Variants in PPP2R2A observed in about 807,000 individuals in gnomAD.
The protein encoded by PPP2R2A is serine/threonine-protein phosphatase 2A 55 kDa regulatory subunit B alpha isoform.
A neutral mutation model predicts 53.2 loss-of-function variants in PPP2R2A; 9 were observed. The observed-to-expected ratio is 0.17, with a 90% CI of 0.10 to 0.30. The LOEUF is 0.30. Among genes scored for constraint, PPP2R2A ranks in the 10% least tolerant of loss-of-function variants. The probability of loss-of-function intolerance (pLI) is 1.00; values close to 1 mark genes in which losing one functional copy is unlikely to be tolerated. For synonymous variants in PPP2R2A, 169 were observed against 174.2 expected (o/e 0.97, Z 0.23); for missense variants, 235 against 534.6 (o/e 0.44, Z 5.53).
chr8:26,355,643 T>A (rs1446326847), intron 4 of PPP2R2A, among the ~76,000 whole-genome samples: 2 of 151,994 alleles, frequency 1.3e-5, no homozygotes, highest in African/African-American at 2.4e-5. Flanking sequence ...GGCGGGTGGA[T>A]CACGAGGTCA....
chr8:26,355,721 C>T (rs530296313), intron 4 of PPP2R2A, among the ~76,000 whole-genome samples: 10 of 151,904 alleles, frequency 6.6e-5, no homozygotes, highest in African/African-American at 1.7e-4. Context: ...AAAAATTATC[C>T]GGGTGTGGTG....
chr8:26,307,869 AG>A (rs1196517378), intron 2 of PPP2R2A, among the ~76,000 whole-genome samples: 2 of 152,264 alleles, frequency 1.3e-5, no homozygotes, highest in East Asian at 3.9e-4. Flanking sequence ...AAAATGGGGG[AG>A]TGAGGGGTTG....
At chr8:26,331,086 A>C (rs1030137657) in intron 2 of PPP2R2A, among the ~76,000 whole-genome samples, 1 of 152,110 alleles carries the variant, frequency 6.6e-6, no homozygotes, top group African/African-American at 2.4e-5. Context: ...AAAGATTCTA[A>C]GTGAGCCGCC....
At position 26,303,779 on chromosome 8, in the gene PPP2R2A, A is replaced by G. The variant is rs986730390; in HGVS notation, c.82+10039A>G. 4.6e-5 allele frequency among the ~76,000 whole-genome samples: 7 copies of G among 152,210 alleles called. No individual in the cohort carries two copies. In the South Asian group the frequency reaches 6.2e-4, roughly 13 times the overall value. Reference sequence around the variant, plus strand: ...AAAAAAACTCCGCTAATTTTTAAAAATGAATATGAATGTTTTTAGTTAATT... The same window carrying G: ...AAAAAAACTCCGCTAATTTTTAAAAGTGAATATGAATGTTTTTAGTTAATT... On this transcript the variant is annotated intron_variant, in intron 2 of 9. Transcript: ENST00000380737.
intron 2 of PPP2R2A, among the ~76,000 whole-genome samples, chr8:26,310,923 G>T (rs1802263362): frequency 6.6e-6 from 1 of 152,114 alleles, no homozygotes; most frequent in Non-Finnish European, 1.5e-5. Flanking sequence ...TAGTATCACA[G>T]CCCTTTTCCC....
At chr8:26,292,803 C>G (rs1801364422) in intron 1 of PPP2R2A, among the ~76,000 whole-genome samples, 1 of 152,192 alleles carries the variant, frequency 6.6e-6, no homozygotes, top group South Asian at 2.1e-4. Context: ...AGCCCCAGGA[C>G]ATTTTCAATC....
chr8:26,333,522 T>C (rs1475992771), intron 2 of PPP2R2A: 2 of 1,224,488 alleles, frequency 1.6e-6, no homozygotes, highest in South Asian at 1.4e-5. Flanking sequence ...AGTGGAATTA[T>C]GAAATCAAAG....
intron 2 of PPP2R2A, among the ~76,000 whole-genome samples, chr8:26,328,949 C>T (rs1380382668): frequency 6.6e-6 from 1 of 152,118 alleles, no homozygotes; most frequent in Non-Finnish European, 1.5e-5. Flanking sequence ...TTGCAGTTTG[C>T]ATGAATCTGC....
intron 2 of PPP2R2A, among the ~76,000 whole-genome samples, chr8:26,307,494 C>T (rs1013641391): frequency 5.3e-5 from 8 of 152,178 alleles, no homozygotes; most frequent in Admixed American, 3.9e-4. Context: ...CCTTTTTGGT[C>T]ACTTGTCCAC....
intron 3 of PPP2R2A, among the ~76,000 whole-genome samples, chr8:26,342,447 T>A (rs923504038): frequency 6.6e-6 from 1 of 152,164 alleles, no homozygotes; most frequent in East Asian, 1.9e-4. Flanking sequence ...GTTTTAGGGA[T>A]TTTTGTTGTT....
Position 26,300,483 on chromosome 8 carries a change from G to A in PPP2R2A, c.82+6743G>A, listed in dbSNP as rs192271636. Among the ~76,000 whole-genome samples the A allele has an allele frequency of 4.2e-3, 644 of 152,230 alleles. 3 individuals are homozygous for A. The highest frequency in any genetic ancestry group is 6.8e-3 in the Non-Finnish European group (461 of 68,006). The stretch of plus-strand genomic sequence containing the variant: ...AGTTAATATCCTCAACTGTAATCTC[G>A]TTGCCCTTTAAGGTGATGATGGAAT... On this transcript the variant is annotated intron_variant, in intron 2 of 9. Coordinates refer to ENST00000380737, the MANE Select transcript of PPP2R2A (RefSeq NM_002717.4).
intron 2 of PPP2R2A, among the ~76,000 whole-genome samples, chr8:26,301,598 G>A (rs1176574187): frequency 6.6e-6 from 1 of 152,060 alleles, no homozygotes; most frequent in Non-Finnish European, 1.5e-5. Flanking sequence ...ATATAGATGG[G>A]TTATAAGGGC....
In PPP2R2A at chr8:26,347,417, G is replaced by GT. The variant is rs10706344; in HGVS notation, c.181-7037dup. Among the ~76,000 whole-genome samples, 213 of 142,112 alleles carry GT rather than the reference G, an allele frequency of 1.5e-3. 1 individual carries two copies. The highest frequency in any genetic ancestry group is 6.2e-3 in the East Asian group (30 of 4,822). The allele number at this position is 142,112 out of a possible 152,430, so 93.2% of individuals were successfully genotyped here. A position where few individuals can be genotyped will look rare whatever the true frequency, so the allele number is the denominator to read the frequency against. On this transcript the variant is annotated intron_variant, in intron 3 of 9. Coordinates refer to ENST00000380737, the MANE Select transcript of PPP2R2A (RefSeq NM_002717.4). ...GTGTCCACGCGCATGTGCATGGAGG[G>GT]TTTTTTTTTTTTTTCCATTCCTTTC...
intron 2 of PPP2R2A, among the ~76,000 whole-genome samples, chr8:26,307,055 T>C (rs574768842): frequency 2.0e-5 from 3 of 152,348 alleles, no homozygotes; most frequent in African/African-American, 7.2e-5. Flanking sequence ...CCATGAATTA[T>C]TAAGCAAGGT....
chr8:26,328,114 A>G (rs1256928727), intron 2 of PPP2R2A, among the ~76,000 whole-genome samples: 1 of 152,228 alleles, frequency 6.6e-6, no homozygotes, highest in Non-Finnish European at 1.5e-5. Context: ...GTAAGCTAAC[A>G]TATACAGTTT....
intron 2 of PPP2R2A, among the ~76,000 whole-genome samples, chr8:26,299,730 T>G (rs372440830): frequency 3.7e-4 from 56 of 152,256 alleles, no homozygotes; most frequent in Admixed American, 1.8e-3. Context: ...TTTTTTTTTT[T>G]TTGTTAGAGA....
rs1321753222 is a variant in PPP2R2A at position 26,333,611 on chromosome 8, T to C, written c.83-5279T>C. ...CAAGGCTACTAATAATTTAGTCTTT[T>C]AATGGATAGTAATTATTTGTTACAC... On this transcript the variant is annotated intron_variant, in intron 2 of 9. Transcript: ENST00000380737. 5 of 924,234 alleles carry C rather than the reference T, an allele frequency of 5.4e-6. No homozygotes were observed. The East Asian group carries it at 3.2e-4, about 59-fold the overall frequency. 57.3% of individuals were successfully genotyped at this position (924,234 alleles called of 1,614,324 possible).
chr8:26,363,113 T>G (rs572159158), intron 7 of PPP2R2A: 76 of 311,260 alleles, frequency 2.4e-4, no homozygotes, highest in Non-Finnish European at 4.3e-4. Flanking sequence ...GGTTGGGCTC[T>G]GTAACCTTGT....
chr8:26,363,755 A>AT lies in PPP2R2A; in HGVS notation c.844dup (p.Ser282PhefsTer15). On this transcript the variant is annotated frameshift_variant, in exon 8 of 10. Coordinates refer to ENST00000380737, the MANE Select transcript of PPP2R2A (RefSeq NM_002717.4). LOFTEE classifies it high-confidence loss of function. The stretch of plus-strand genomic sequence containing the variant: ...AACCTGAAGATCCCAGTAACAGGTC[A>AT]TTTTTTTCCGAAATCATCTCCTCTA... 6.2e-7 allele frequency: 1 copy of AT among 1,600,424 alleles called. No individual in the cohort carries two copies. Among genetic ancestry groups the AT allele is most frequent in the Non-Finnish European group, 8.5e-7 (1 of 1,171,632 alleles).
Sources: allele counts gnomAD v4.1 joint callset (sites outside exome capture counted in the v4.1 genomes callset), GRCh38; gene constraint gnomAD v4.1.1; transcripts MANE v1.5; gene names NCBI Gene and HGNC (gene_info 2026-07-23, HGNC 2026-07-21).